STAT6: variants seen among roughly 807,000 people sequenced by gnomAD.
STAT6 encodes the protein STAT, interleukin4-induced.
STAT6 carries 45 observed loss-of-function variants against 106.3 expected under a neutral mutation model. The ratio of observed to expected loss-of-function variants is 0.42; its 90% CI spans 0.33 to 0.54. The LOEUF is 0.54. STAT6 is among the 20% of genes least tolerant of loss of function. The probability of loss-of-function intolerance (pLI) is 0.06; values close to 1 mark genes in which losing one functional copy is unlikely to be tolerated. For synonymous variants in STAT6, 413 were observed against 413.6 expected (o/e 1.00, Z 0.02); for missense variants, 797 against 1,062.2 (o/e 0.75, Z 3.47).
chr12:57,102,296 G>A lies in STAT6; in HGVS notation c.1506C>T (p.Phe502=). The change falls in exon 13 of 22, where the codon TTC becomes TTT. Residue 502 remains phenylalanine, a synonymous_variant. Coordinates refer to ENST00000300134, the MANE Select transcript of STAT6 (RefSeq NM_003153.5). ...CAAAGGGCAGGAGAATGACCTTGTT[G>A]AACTGCGACCAGGACACAGAACGGT... is the stretch of plus-strand genomic sequence containing the variant. ...FQHRSVSWSQ[F]NKEILLGRGF... The A allele has an allele frequency of 2.5e-6, 4 of 1,614,100 alleles. No individual in the cohort carries two copies. The South Asian group carries it at 4.4e-5, about 18-fold the overall frequency.
rs942866165 is a variant in STAT6 at position 57,095,694 on chromosome 12, C to A, written c.*878G>T. 1 of 152,204 alleles carries A rather than the reference C, an allele frequency of 6.6e-6. No homozygotes were observed. Among genetic ancestry groups the A allele is most frequent in the African/African-American group, 2.4e-5 (1 of 41,454 alleles). 9.4% of individuals were successfully genotyped at this position (152,204 alleles called of 1,614,324 possible). A position where few individuals can be genotyped will look rare whatever the true frequency, so the allele number is the denominator to read the frequency against. ...ACAGCCACTTGGACCCACTTGGGCACAGTCAGACTCCAAATTCAGAGTATT... is the reference window on the plus strand; with the variant it reads ...ACAGCCACTTGGACCCACTTGGGCAAAGTCAGACTCCAAATTCAGAGTATT... On this transcript the variant is annotated 3_prime_UTR_variant, in exon 22 of 22. Coordinates refer to ENST00000300134, the MANE Select transcript of STAT6 (RefSeq NM_003153.5).
rs971363594 is a variant in STAT6, at chr12:57,107,246, T to C, written c.324A>G (p.Lys108=). The C allele has an allele frequency of 6.2e-7, 1 of 1,614,010 alleles. No homozygotes were observed. The highest frequency in any genetic ancestry group is 1.3e-5 in the African/African-American group (1 of 74,910). The change falls in exon 4 of 22, where the codon AAA becomes AAG. Residue 108 remains lysine, a synonymous_variant. Transcript: ENST00000300134. ...TFRQILQGEK[K]AVMEQFRHLP... is the part of the protein sequence containing the mutation. Reference sequence around the variant, plus strand: ...ATCACAATACCTGTTCCATAACAGCTTTTTTCTCTCCTTGAAGTATTTGTC... The same window carrying C: ...ATCACAATACCTGTTCCATAACAGCCTTTTTCTCTCCTTGAAGTATTTGTC...
At position 57,106,745 on chromosome 12, in the gene STAT6, C is replaced by A; in HGVS notation, c.426G>T (p.Gly142=). 6.2e-7 allele frequency: 1 copy of A among 1,614,154 alleles called. No homozygotes were observed. Among genetic ancestry groups the A allele is most frequent in the Non-Finnish European group, 8.5e-7 (1 of 1,180,032 alleles). ...GGGCTTCTCGGAGAAGGTGGATCTC[C>A]CCTACTCGGTGCTGCAGCCTCCGCA... ...TGLRRLQHRV[G]EIHLLREALQ... is the part of the protein sequence containing the mutation. The change falls in exon 5 of 22, where the codon GGG becomes GGT. Residue 142 remains glycine (G), a synonymous_variant. Coordinates refer to ENST00000300134, the MANE Select transcript of STAT6 (RefSeq NM_003153.5).
intron 11 of STAT6, chr12:57,103,558 A>G (rs1484330113): frequency 6.6e-6 from 1 of 151,230 alleles, no homozygotes; most frequent in Non-Finnish European, 1.5e-5. Context: ...TGGCCTCCCA[A>G]AGTGCTGAGT....
rs59118177 is a variant in STAT6, at chr12:57,111,289, T to TACACACACACAC, written c.-194_-183dup. 2 of 145,676 alleles carry TACACACACACAC rather than the reference T, an allele frequency of 1.4e-5. No homozygotes were observed. The highest frequency in any genetic ancestry group is 5.1e-5 in the African/African-American group (2 of 39,128). 9.0% of individuals were successfully genotyped at this position (145,676 alleles called of 1,614,324 possible). On this transcript the variant is annotated 5_prime_UTR_variant, in exon 1 of 22. Coordinates refer to ENST00000300134, the MANE Select transcript of STAT6 (RefSeq NM_003153.5). The stretch of plus-strand genomic sequence containing the variant: ...AAATAAGATAAAGCACACACATACA[T>TACACACACACAC]ACACACACACACACACACACACACA...
At chr12:57,104,895 C>T in intron 9 of STAT6, 82 bp from the exon 10 acceptor site, 1 of 1,477,872 alleles carries the variant, frequency 6.8e-7, no homozygotes, top group South Asian at 1.2e-5. Context: ...GTAGACTACC[C>T]ACTGTCACCA....
rs777152611 is a variant in STAT6 at position 57,096,680 on chromosome 12, C to G, written c.2436G>C (p.Glu812Asp). 4 of 1,605,620 alleles carry G rather than the reference C, an allele frequency of 2.5e-6. No individual in the cohort carries two copies. The Admixed American group carries it at 7.1e-5, about 28-fold the overall frequency. ...LTKLLLEGQGESGGGSLGAQP... is the reference protein window; with the variant it reads ...LTKLLLEGQGDSGGGSLGAQP... ...GTGCCCCCAAGGACCCTCCCCCCGA[C>G]TCCCCTTGCCCCTCCAGGAGAAGCT... The change falls in exon 22 of 22, where the codon GAG (glutamate) becomes GAC (aspartate). Residue 812 changes from glutamate (E) to aspartate (D), a missense_variant. This residue lies in a region of STAT6 where 226 missense variants were observed against 236.7 expected (regional missense o/e 0.95). Transcript: ENST00000300134.
rs756197282 is a variant in STAT6 at position 57,106,390 on chromosome 12, A to G, written c.532-51T>C. 17 of 1,610,902 alleles carry G rather than the reference A, an allele frequency of 1.1e-5. No homozygotes were observed. In the South Asian group the frequency reaches 1.8e-4, roughly 17 times the overall value. On this transcript the variant is annotated intron_variant, in intron 6 of 21. Transcript: ENST00000300134. ...AGGGCCTCACGCTGCCTCCACACCC[A>G]GCTCCTGGGATACGGCTCTTTTTCT... is the stretch of plus-strand genomic sequence containing the variant.
intron 13 of STAT6, among the ~76,000 whole-genome samples, chr12:57,100,393 T>G (rs2033747651): frequency 6.6e-6 from 1 of 152,112 alleles, no homozygotes; most frequent in Non-Finnish European, 1.5e-5. Context: ...CAGGTCTACA[T>G]AGCTGGTAAG....
At chr12:57,109,061 G>C (rs2034441998) in intron 1 of STAT6, among the ~76,000 whole-genome samples, 1 of 152,146 alleles carries the variant, frequency 6.6e-6, no homozygotes, top group Non-Finnish European at 1.5e-5. Context: ...AATTAGCAGG[G>C]CGTGGTGGCG....
In STAT6 at chr12:57,099,997, G is replaced by C; in HGVS notation, c.1606C>G (p.Arg536Gly). ...KRCLRSYWSD[R>G]LIIGFISKQY... ...AGACTACCCAGGGTGGGGACTCACC[G>C]GTCAGACCAGTAGCTCCGGAGACAG... The change falls in exon 14 of 22, where the codon CGG becomes GGG. Residue 536 changes from arginine to glycine, a missense_variant and splice_region_variant. Coordinates refer to ENST00000300134, the MANE Select transcript of STAT6 (RefSeq NM_003153.5). The surrounding 1 kb of genome is among the most constrained non-coding windows in gnomAD (Gnocchi z 4.7). 1 of 1,613,614 alleles carries C rather than the reference G, an allele frequency of 6.2e-7. No homozygotes were observed.
Position 57,099,930 on chromosome 12 carries a change from G to A in STAT6, c.1608-27C>T. 1 of 1,614,240 alleles carries A rather than the reference G, an allele frequency of 6.2e-7. No individual in the cohort carries two copies. On this transcript the variant is annotated intron_variant, in intron 14 of 21. Transcript: ENST00000300134. This position sits in a 1 kb window ranked among gnomAD's most constrained non-coding sequence, Gnocchi z 4.7. ...TGGCCGGGATGAAGGAGAGGATGGG[G>A]CATGGGCAGTGAGTATGGAGGTGAC... is the stretch of plus-strand genomic sequence containing the variant.
chr12:57,107,103 C>T, intron 4 of STAT6, 128 bp downstream of exon 4: 7 of 1,097,928 alleles, frequency 6.4e-6, no homozygotes, highest in Non-Finnish European at 9.5e-6. Flanking sequence ...CCCTAGGAAC[C>T]TCCTTTGGTC....
chr12:57,109,020 A>G (rs2034439193), intron 1 of STAT6, among the ~76,000 whole-genome samples: 1 of 152,142 alleles, frequency 6.6e-6, no homozygotes, highest in Admixed American at 6.6e-5. Flanking sequence ...AACACAGTGA[A>G]ACCCCATCTC....
Position 57,105,773 on chromosome 12 carries a change from G to A in STAT6, c.681-174C>T, listed in dbSNP as rs940308460. ...GGGGTTCTGTGATCTGTTGGCCTAG[G>A]GTCTGGGTGGGAGGTTCATTCTCAG... is the stretch of plus-strand genomic sequence containing the variant. On this transcript the variant is annotated intron_variant, in intron 7 of 21. Transcript: ENST00000300134. 66 of 1,140,696 alleles carry A rather than the reference G, an allele frequency of 5.8e-5. No homozygotes were observed. In the Admixed American group the frequency reaches 1.2e-3, roughly 21 times the overall value. 70.7% of individuals were successfully genotyped at this position (1,140,696 alleles called of 1,614,324 possible).
intron 19 of STAT6, 88 bp from the exon 20 acceptor site, chr12:57,097,221 G>A: frequency 9.1e-7 from 1 of 1,096,048 alleles, no homozygotes; most frequent in South Asian, 2.0e-5. Flanking sequence ...GAGGAAACAA[G>A]CTCCAGCTCC....
At position 57,099,133 on chromosome 12, in the gene STAT6, G is replaced by C; in HGVS notation, c.1892-55C>G. On this transcript the variant is annotated intron_variant, in intron 16 of 21. Transcript: ENST00000300134. The surrounding 1 kb of genome is among the most constrained non-coding windows in gnomAD (Gnocchi z 4.7). ...AGTGCTCTGGGGTTAGGGAGGAAGG[G>C]AGGTGGAAAAGGTGGGCATGGATCA... 2 of 1,606,732 alleles carry C rather than the reference G, an allele frequency of 1.2e-6. No individual in the cohort carries two copies. The highest frequency in any genetic ancestry group is 1.7e-6 in the Non-Finnish European group (2 of 1,177,176).
intron 11 of STAT6, 70 bp from the exon 12 acceptor site, chr12:57,102,991 T>TCC (rs2034045686): frequency 8.7e-6 from 1 of 115,364 alleles, no homozygotes; most frequent in Admixed American, 1.9e-4. Flanking sequence ...TTTTTTTTTT[T>TCC]TTTTTTTTTT....
Position 57,098,855 on chromosome 12 carries a change from G to A in STAT6, c.2003C>T (p.Pro668Leu). The stretch of plus-strand genomic sequence containing the variant: ...AGGGGCCATTCCAAGGTCATAAGAA[G>A]GCACCATGGTAGGCATCTGGAGCTC... ...TPELQMPTMVPSYDLGMAPDS... is the reference protein window; with the variant it reads ...TPELQMPTMVLSYDLGMAPDS... Residue 668 changes from proline to leucine, a missense_variant, in exon 18 of 22, where the codon CCT (proline) becomes CTT (leucine). Transcript: ENST00000300134. The A allele has an allele frequency of 6.2e-7, 1 of 1,613,410 alleles. No individual in the cohort carries two copies. The highest frequency in any genetic ancestry group is 1.1e-5 in the South Asian group (1 of 91,048).
Sources: allele counts gnomAD v4.1 joint callset (sites outside exome capture counted in the v4.1 genomes callset), GRCh38; gene constraint gnomAD v4.1.1; regional missense constraint gnomAD v4.1.1; non-coding constraint Gnocchi (gnomAD v3.1); transcripts MANE v1.5; gene names NCBI Gene and HGNC (gene_info 2026-07-23, HGNC 2026-07-21).